The following TPD52 variants were observed in gnomAD, a reference collection of about 807,000 sequenced individuals.
TPD52 encodes the protein prostate and colon associated protein.
In TPD52, 17 loss-of-function variants were observed where a neutral mutation model predicts 31.3. That is an observed-to-expected ratio of 0.54 (90% CI 0.37 to 0.82). TPD52 has a LOEUF of 0.82. Among genes scored for constraint, TPD52 ranks in the 40% least tolerant of loss-of-function variants. The pLI, the probability that TPD52 is intolerant of heterozygous loss-of-function variation, is 0.00. For synonymous variants in TPD52, 83 were observed against 89.6 expected, an observed-to-expected ratio of 0.93 and a Z score of 0.42; for missense variants, 212 against 240.1, an observed-to-expected ratio of 0.88 and a Z score of 0.77.
chr8:80,055,260 C>T (rs1811755450), intron 2 of TPD52, among the ~76,000 whole-genome samples: 1 of 152,212 alleles, frequency 6.6e-6, no homozygotes, highest in African/African-American at 2.4e-5. Context: ...ACAGTATATT[C>T]CCCACCTTTG....
chr8:80,125,988 G>T (rs1341983885), intron 1 of TPD52, among the ~76,000 whole-genome samples: 1 of 152,190 alleles, frequency 6.6e-6, no homozygotes, highest in Non-Finnish European at 1.5e-5. Flanking sequence ...ACAGCAAGGG[G>T]TGTATGTTCA....
At chr8:80,161,195 C>T (rs1367243668) in intron 1 of TPD52, among the ~76,000 whole-genome samples, 2 of 152,192 alleles carry the variant, frequency 1.3e-5, no homozygotes, top group Non-Finnish European at 2.9e-5. Context: ...TAACCAACAC[C>T]GTCTCTTCTA....
intron 3 of TPD52, 95 bp from the exon 4 acceptor site, chr8:80,051,723 G>C (rs1236548937): frequency 3.1e-6 from 3 of 981,072 alleles, no homozygotes; most frequent in Non-Finnish European, 4.4e-6. Context: ...ACCTGCTGGA[G>C]AACTCTCAAA....
chr8:80,089,139 C>A (rs894342547), intron 1 of TPD52, among the ~76,000 whole-genome samples: 2 of 152,126 alleles, frequency 1.3e-5, no homozygotes, highest in Admixed American at 1.3e-4. Context: ...ATTGTTATTG[C>A]GGCCCAAACC....
intron 1 of TPD52, chr8:80,122,954 A>C (rs1379666433): frequency 6.6e-6 from 1 of 152,396 alleles, no homozygotes; most frequent in Non-Finnish European, 1.5e-5. Context: ...GTCTGCCTCT[A>C]GGCCAGCAAG....
intron 2 of TPD52, 97 bp downstream of exon 2, chr8:80,064,381 G>A: frequency 1.0e-6 from 1 of 976,716 alleles, no homozygotes; most frequent in Middle Eastern, 2.1e-4. Flanking sequence ...TCTCTCCCCT[G>A]GAACTAACTA....
chr8:80,065,352 A>G (rs1563589188), intron 1 of TPD52, among the ~76,000 whole-genome samples: 2 of 151,786 alleles, frequency 1.3e-5, no homozygotes, highest in South Asian at 2.1e-4. Context: ...ATACTAAGGT[A>G]TATGTTCAGA....
chr8:80,148,928 T>C (rs1466341064), intron 1 of TPD52, among the ~76,000 whole-genome samples: 1 of 152,194 alleles, frequency 6.6e-6, no homozygotes, highest in Non-Finnish European at 1.5e-5. Context: ...CTTCCCACTA[T>C]TCAGCCTATT....
Position 80,086,877 on chromosome 8 carries a change from CAAAAAAAAAAAA to C in TPD52, c.20-22296_20-22285del, listed in dbSNP as rs58864911. ...CAACAAGAGTGAGACGCTGTCTCAA[CAAAAAAAAAAAA>C]AAAAAAAAAAAAAAAAAAAATCAAA... On this transcript the variant is annotated intron_variant, in intron 1 of 7. Coordinates refer to ENST00000518937, the MANE Select transcript of TPD52 (RefSeq NM_001025253.3). 3.0e-4 allele frequency among the ~76,000 whole-genome samples: 23 copies of C among 76,574 alleles called. No homozygotes were observed. In the South Asian group the frequency reaches 3.2e-3, roughly 11 times the overall value. The allele number at this position is 76,574 out of a possible 152,430, so 50.2% of individuals were successfully genotyped here.
intron 1 of TPD52, among the ~76,000 whole-genome samples, chr8:80,092,442 T>A (rs935207613): frequency 3.9e-5 from 6 of 152,186 alleles, no homozygotes; most frequent in Non-Finnish European, 8.8e-5. Flanking sequence ...TGCCCAAATG[T>A]AAAGAAATCA....
intron 3 of TPD52, 171 bp downstream of exon 3, chr8:80,053,111 G>T (rs1014084944): frequency 1.7e-6 from 1 of 602,842 alleles, no homozygotes. Flanking sequence ...TGGAAAAATT[G>T]AAGTTACAAA....
intron 2 of TPD52, among the ~76,000 whole-genome samples, chr8:80,063,487 C>T (rs558432080): frequency 6.6e-6 from 1 of 152,258 alleles, no homozygotes; most frequent in South Asian, 2.1e-4. Flanking sequence ...GGCAGCTGCA[C>T]AACACTGTGA....
chr8:80,132,525 G>A (rs1403931437), intron 1 of TPD52, among the ~76,000 whole-genome samples: 4 of 152,066 alleles, frequency 2.6e-5, no homozygotes, highest in Non-Finnish European at 4.4e-5. Flanking sequence ...TATTTCATTC[G>A]GTTGCCGTGA....
chr8:80,086,117 G>GTTTTTTTTTTTTTTTTTTT (rs1366202183), intron 1 of TPD52, among the ~76,000 whole-genome samples: 1 of 88,866 alleles, frequency 1.1e-5, no homozygotes. Flanking sequence ...TTTTTTTTTA[G>GTTTTTTTTTTTTTTTTTTT]TTTTTTTTTT....
At chr8:80,070,009 C>A (rs1230278432) in intron 1 of TPD52, among the ~76,000 whole-genome samples, 1 of 152,190 alleles carries the variant, frequency 6.6e-6, no homozygotes, top group Non-Finnish European at 1.5e-5. Flanking sequence ...TGCATCTGAA[C>A]TGAATTATTC....
At chr8:80,124,805 G>A (rs973952177) in intron 1 of TPD52, among the ~76,000 whole-genome samples, 1 of 152,082 alleles carries the variant, frequency 6.6e-6, no homozygotes, top group East Asian at 1.9e-4. Context: ...TGACCATTAA[G>A]ACAAACAAAC....
chr8:80,059,493 T>C (rs1228468109), intron 2 of TPD52, among the ~76,000 whole-genome samples: 1 of 151,694 alleles, frequency 6.6e-6, no homozygotes, highest in East Asian at 1.9e-4. Context: ...GAGGAAACAA[T>C]AGAGAGAATG....
chr8:80,162,106 G>C (rs1811404217), intron 1 of TPD52, among the ~76,000 whole-genome samples: 2 of 151,928 alleles, frequency 1.3e-5, no homozygotes, highest in Admixed American at 6.6e-5. Context: ...ATGAGCCAAG[G>C]CATGTAAATT....
intron 2 of TPD52, among the ~76,000 whole-genome samples, chr8:80,060,005 C>T (rs1216048099): frequency 2.6e-5 from 4 of 151,316 alleles, no homozygotes; most frequent in Non-Finnish European, 5.9e-5. Context: ...TGCTTGAACC[C>T]TGGAGGCAGA....
Sources: gnomAD v4.1 joint callset for allele counts (sites outside exome capture counted in the v4.1 genomes callset) on GRCh38, gnomAD v4.1.1 for gene constraint, MANE v1.5 for transcripts, NCBI Gene and HGNC (gene_info 2026-07-23, HGNC 2026-07-21) for gene names.